The following PPP2R2C variants were observed in gnomAD, a reference collection of about 807,000 sequenced individuals.
PPP2R2C encodes protein phosphatase 2, regulatory subunit B, gamma.
A neutral mutation model predicts 45.3 loss-of-function variants in PPP2R2C; 10 were observed. The ratio of observed to expected loss-of-function variants is 0.22; its 90% CI spans 0.14 to 0.37. The LOEUF is 0.37. Ranked by LOEUF, PPP2R2C falls within the 10% of genes least tolerant of loss-of-function variation. The pLI is 1.00. For missense variants in PPP2R2C, 308 were observed against 619.7 expected, an observed-to-expected ratio of 0.50 and a Z score of 5.34; for synonymous variants, 257 against 245.4, an observed-to-expected ratio of 1.05 and a Z score of -0.44.
At chr4:6,355,842 A>C (rs530828972) in intron 5 of PPP2R2C, among the ~76,000 whole-genome samples, 2 of 150,914 alleles carry the variant, frequency 1.3e-5, no homozygotes, top group African/African-American at 4.9e-5. Flanking sequence ...AATACAAAAA[A>C]AATTAGCTGG....
chr4:6,412,180 A>T (rs1560527583), intron 1 of PPP2R2C, among the ~76,000 whole-genome samples: 1 of 152,192 alleles, frequency 6.6e-6, no homozygotes, highest in Non-Finnish European at 1.5e-5. Flanking sequence ...ATGGCATCAT[A>T]ATAGTTTAAA....
chr4:6,557,631 G>A (rs1432993197), intron 1 of PPP2R2C, among the ~76,000 whole-genome samples: 1 of 152,200 alleles, frequency 6.6e-6, no homozygotes, highest in African/African-American at 2.4e-5. Context: ...CGGGAAAAAG[G>A]CTGCTGTGTA....
chr4:6,558,891 C>T (rs567844141), intron 1 of PPP2R2C, among the ~76,000 whole-genome samples: 128 of 152,282 alleles, frequency 8.4e-4, no homozygotes, highest in African/African-American at 3.1e-3. Context: ...CAAAGCCCAG[C>T]GTCATCTTTT....
chr4:6,377,905 G>A (rs765125757), intron 3 of PPP2R2C, among the ~76,000 whole-genome samples: 3 of 152,132 alleles, frequency 2.0e-5, no homozygotes, highest in South Asian at 2.1e-4. Flanking sequence ...TTAAGAGGCC[G>A]GCCGGGGTCC....
intron 5 of PPP2R2C, among the ~76,000 whole-genome samples, chr4:6,362,305 G>A (rs1431724716): frequency 5.3e-5 from 8 of 152,140 alleles, no homozygotes; most frequent in Admixed American, 5.2e-4. Context: ...CCTGAAGAGG[G>A]AAGCAGGCCA....
chr4:6,483,420 T>C (rs2108780204), intron 2 of PPP2R2C, among the ~76,000 whole-genome samples: 1 of 152,256 alleles, frequency 6.6e-6, no homozygotes, highest in East Asian at 1.9e-4. Flanking sequence ...AGTTTCTCCA[T>C]ATCCTCACCA....
chr4:6,395,698 G>C (rs1577144030), intron 1 of PPP2R2C, among the ~76,000 whole-genome samples: 3 of 152,336 alleles, frequency 2.0e-5, no homozygotes, highest in Admixed American at 2.0e-4. Flanking sequence ...AGCTCTGGCT[G>C]TGCGCTGGCC....
In PPP2R2C at chr4:6,561,463, G is replaced by A. The variant is rs78164647; in HGVS notation, c.-59+2097C>T. 4.3e-3 allele frequency among the ~76,000 whole-genome samples: 647 copies of A among 152,220 alleles called. 8 individuals are homozygous for A. The highest frequency in any genetic ancestry group is 0.015 in the African/African-American group (619 of 41,520). On this transcript the variant is annotated intron_variant, in intron 1 of 9. Coordinates refer to the PPP2R2C transcript ENST00000506140. ...CAAATTATGTAGCTGGTCCTGGGTC[G>A]GAAGGAGGTGGGGGGAGGGGGAGGG...
chr4:6,562,962 C>CAAAAAAAAAAAAAAAAAAAAAAAAA (rs746793663), intron 1 of PPP2R2C, among the ~76,000 whole-genome samples: 9 of 83,256 alleles, frequency 1.1e-4, no homozygotes, highest in African/African-American at 3.7e-4. Flanking sequence ...CCCTGCCAGC[C>CAAAAAAAAAAAAAAAAAAAAAAAAA]AAAAAAAAAA....
At chr4:6,359,817 G>T (rs1713568997) in intron 5 of PPP2R2C, among the ~76,000 whole-genome samples, 6 of 152,166 alleles carry the variant, frequency 3.9e-5, no homozygotes, top group Admixed American at 3.3e-4. Context: ...GGTGGGCACA[G>T]GAACCAAGGG....
rs57215650 is a variant in PPP2R2C, at chr4:6,348,070, C to T, written c.626-60G>A. ...GGGCGCCCTCAATGCTCCGCCTTCC[C>T]GGAGGTTTCTGACACCTCTCCCGAG... is the stretch of plus-strand genomic sequence containing the variant. On this transcript the variant is annotated intron_variant, in intron 5 of 8. Transcript: ENST00000382599. The T allele has an allele frequency of 1.7e-4, 271 of 1,580,550 alleles. 2 individuals are homozygous for T. The African/African-American group carries it at 3.2e-3, about 19-fold the overall frequency.
intron 2 of PPP2R2C, among the ~76,000 whole-genome samples, chr4:6,512,295 G>A (rs1368255882): frequency 1.1e-4 from 8 of 74,264 alleles, no homozygotes; most frequent in South Asian, 9.4e-4. Context: ...TGATGGTGGC[G>A]GTGGTGGTGG....
intron 1 of PPP2R2C, among the ~76,000 whole-genome samples, chr4:6,445,619 C>G (rs1351834485): frequency 6.6e-6 from 1 of 152,158 alleles, no homozygotes; most frequent in Non-Finnish European, 1.5e-5. Context: ...TCTGGGAGGC[C>G]CCGGCAGGGG....
At chr4:6,410,765 C>T (rs990419096) in intron 1 of PPP2R2C, among the ~76,000 whole-genome samples, 5 of 152,082 alleles carry the variant, frequency 3.3e-5, no homozygotes, top group African/African-American at 9.7e-5. Context: ...GTGTGCAGCG[C>T]CAAAGTCCTT....
intron 1 of PPP2R2C, among the ~76,000 whole-genome samples, chr4:6,456,763 G>A (rs536242186): frequency 8.5e-5 from 13 of 152,178 alleles, no homozygotes; most frequent in Non-Finnish European, 1.3e-4. Flanking sequence ...TTGAGCTGCC[G>A]CCTTTAATAA....
intron 2 of PPP2R2C, among the ~76,000 whole-genome samples, chr4:6,483,045 T>G (rs1473405008): frequency 3.3e-5 from 5 of 152,164 alleles, no homozygotes; most frequent in African/African-American, 1.2e-4. Flanking sequence ...TTAACATTTT[T>G]TGTCTTTAAC....
At chr4:6,439,279 T>C (rs1720032188) in intron 1 of PPP2R2C, among the ~76,000 whole-genome samples, 1 of 152,196 alleles carries the variant, frequency 6.6e-6, no homozygotes, top group South Asian at 2.1e-4. Flanking sequence ...AAGCATTAGA[T>C]TTATCATAAA....
In PPP2R2C at chr4:6,378,856, C is replaced by T. The variant is rs981875057; in HGVS notation, c.169-284G>A. On this transcript the variant is annotated intron_variant, in intron 2 of 8. Transcript: ENST00000382599. The surrounding 1 kb of genome is among the most constrained non-coding windows in gnomAD (Gnocchi z 5.2). The stretch of plus-strand genomic sequence containing the variant: ...CGCCTGCTACAAGCTGGACACCCCA[C>T]TAAGTCCTCCCCGCACCATCGCATT... Among the ~76,000 whole-genome samples, 1 of 151,968 alleles carries T rather than the reference C, an allele frequency of 6.6e-6. No individual in the cohort carries two copies. The highest frequency in any genetic ancestry group is 2.4e-5 in the African/African-American group (1 of 41,356).
chr4:6,506,827 C>G (rs1229720190), intron 2 of PPP2R2C, among the ~76,000 whole-genome samples: 1 of 152,192 alleles, frequency 6.6e-6, no homozygotes, highest in African/African-American at 2.4e-5. Flanking sequence ...TTTCACATGT[C>G]TGGTGGTCGA....
Sources: allele counts gnomAD v4.1 joint callset (sites outside exome capture counted in the v4.1 genomes callset), GRCh38; gene constraint gnomAD v4.1.1; non-coding constraint Gnocchi (gnomAD v3.1); transcripts MANE v1.5; gene names NCBI Gene and HGNC (gene_info 2026-07-23, HGNC 2026-07-21).